The following SNX14 variants were observed in gnomAD, a reference collection of about 807,000 sequenced individuals.
SNX14 encodes sorting nexin 14, also known as sorting nexin-14.
Under a neutral mutation model 133.8 loss-of-function variants are expected in SNX14, and 93 were observed. The ratio of observed to expected loss-of-function variants is 0.70; its 90% CI spans 0.59 to 0.83. The LOEUF (loss-of-function observed/expected upper bound fraction) is 0.83. Ranked by LOEUF, SNX14 falls within the 40% of genes least tolerant of loss-of-function variation. The pLI is 0.00. For missense variants in SNX14, 945 were observed against 1,094.9 expected (o/e 0.86, Z 1.93); for synonymous variants, 368 against 365.6 (o/e 1.01, Z -0.07).
chr6:85,515,638 T>C (rs1774706962), intron 23 of SNX14, among the ~76,000 whole-genome samples: 1 of 152,168 alleles, frequency 6.6e-6, no homozygotes, highest in South Asian at 2.1e-4. Context: ...ATATATTCTA[T>C]TGGCTCTTAT....
At chr6:85,564,763 G>A (rs750640616) in intron 6 of SNX14, among the ~76,000 whole-genome samples, 4 of 152,068 alleles carry the variant, frequency 2.6e-5, no homozygotes, top group African/African-American at 4.8e-5. Context: ...GAAGAGGTGG[G>A]CGGATCACAA....
intron 1 of SNX14, among the ~76,000 whole-genome samples, chr6:85,578,904 G>A (rs1017733635): frequency 1.1e-4 from 16 of 152,282 alleles, no homozygotes; most frequent in African/African-American, 3.4e-4. Flanking sequence ...GGAAGGCTGA[G>A]GCGGGCGGAT....
chr6:85,507,754 T>A, intron 27 of SNX14, among the ~76,000 whole-genome samples: 1 of 152,212 alleles, frequency 6.6e-6, no homozygotes, highest in East Asian at 1.9e-4. Context: ...AATTACTATA[T>A]ATTAATTTTA....
chr6:85,582,151 T>A (rs1285637601), intron 1 of SNX14, among the ~76,000 whole-genome samples: 1 of 152,092 alleles, frequency 6.6e-6, no homozygotes, highest in Non-Finnish European at 1.5e-5. Flanking sequence ...TGGCACCAGA[T>A]TTTTCAGTGG....
intron 1 of SNX14, among the ~76,000 whole-genome samples, chr6:85,580,014 A>G (rs1352627955): frequency 6.6e-6 from 1 of 152,104 alleles, no homozygotes; most frequent in Non-Finnish European, 1.5e-5. Context: ...CAAGGCAGCT[A>G]AGGGAAGGCT....
chr6:85,572,811 T>C (rs1411420504), intron 2 of SNX14, among the ~76,000 whole-genome samples: 1 of 151,950 alleles, frequency 6.6e-6, no homozygotes, highest in East Asian at 1.9e-4. Flanking sequence ...ATTCAAAAAT[T>C]AGACAGGTGT....
At chr6:85,531,850 G>A (rs377132150) in intron 18 of SNX14, among the ~76,000 whole-genome samples, 1 of 152,028 alleles carries the variant, frequency 6.6e-6, no homozygotes, top group African/African-American at 2.4e-5. Context: ...AACATAGTGA[G>A]ACCTTTTCTC....
At chr6:85,536,752 C>A in intron 17 of SNX14, 40 bp downstream of exon 17, 1 of 1,582,908 alleles carries the variant, frequency 6.3e-7, no homozygotes, top group South Asian at 1.2e-5. Context: ...CATAGTAAGT[C>A]TGAAGTTATA....
intron 7 of SNX14, among the ~76,000 whole-genome samples, chr6:85,555,854 G>A (rs947382252): frequency 2.0e-5 from 3 of 152,058 alleles, no homozygotes; most frequent in Non-Finnish European, 4.4e-5. Context: ...CAAGCGTGGT[G>A]GTGCATGCCT....
At chr6:85,574,717 CA>C (rs1796770920) in intron 1 of SNX14, among the ~76,000 whole-genome samples, 1 of 152,014 alleles carries the variant, frequency 6.6e-6, no homozygotes, top group Admixed American at 6.6e-5. Context: ...TTCACTACAT[CA>C]AAAAAATTTT....
At chr6:85,514,824 A>G (rs1418853454) in intron 23 of SNX14, among the ~76,000 whole-genome samples, 195 bp from the exon 24 acceptor site, 2 of 152,194 alleles carry the variant, frequency 1.3e-5, no homozygotes, top group East Asian at 3.8e-4. Context: ...CATGTTCCCC[A>G]AAAATATTAC....
intron 1 of SNX14, among the ~76,000 whole-genome samples, chr6:85,588,202 G>A (rs1801584910): frequency 6.6e-6 from 1 of 152,158 alleles, no homozygotes; most frequent in African/African-American, 2.4e-5. Flanking sequence ...AGGACTGCTT[G>A]AGCCCATGAG....
intron 6 of SNX14, among the ~76,000 whole-genome samples, chr6:85,564,558 T>C (rs1343764695): frequency 3.3e-5 from 5 of 152,210 alleles, no homozygotes; most frequent in African/African-American, 4.8e-5. Context: ...TTTTCATTTC[T>C]AATTTCTACA....
At chr6:85,579,030 C>T (rs1196882593) in intron 1 of SNX14, among the ~76,000 whole-genome samples, 1 of 151,908 alleles carries the variant, frequency 6.6e-6, no homozygotes, top group South Asian at 2.1e-4. Context: ...CCCAGCTACT[C>T]AGGAGGCTGA....
chr6:85,539,508 A>G (rs1019076044), intron 15 of SNX14, among the ~76,000 whole-genome samples: 28 of 152,238 alleles, frequency 1.8e-4, no homozygotes, highest in African/African-American at 6.8e-4. Context: ...AATAATATGC[A>G]TTAGAATTTT....
chr6:85,528,418 TTA>T, intron 19 of SNX14, 56 bp from the exon 20 acceptor site: 4 of 1,362,202 alleles, frequency 2.9e-6, no homozygotes, highest in Non-Finnish European at 4.1e-6. Flanking sequence ...TTTTAAAACC[TTA>T]AATTAGGTTT....
At chr6:85,574,838 G>C (rs1021646580) in intron 1 of SNX14, among the ~76,000 whole-genome samples, 1 of 151,662 alleles carries the variant, frequency 6.6e-6, no homozygotes, top group Non-Finnish European at 1.5e-5. Context: ...GTGGTGATAC[G>C]TAAGTAAAAA....
intron 4 of SNX14, 24 bp downstream of exon 4, chr6:85,572,113 A>G: frequency 6.5e-7 from 1 of 1,548,496 alleles, no homozygotes; most frequent in Non-Finnish European, 8.8e-7. Context: ...ATTTTCTGTT[A>G]ATAATATTAA....
At chr6:85,592,252 C>A (rs1372596457) in intron 1 of SNX14, among the ~76,000 whole-genome samples, 3 of 152,226 alleles carry the variant, frequency 2.0e-5, no homozygotes, top group Non-Finnish European at 4.4e-5. Context: ...CAAGAATCAA[C>A]AAGAAAGCAA....
Sources: gnomAD v4.1 joint callset for allele counts (sites outside exome capture counted in the v4.1 genomes callset) on GRCh38, gnomAD v4.1.1 for gene constraint, MANE v1.5 for transcripts, NCBI Gene and HGNC (gene_info 2026-07-23, HGNC 2026-07-21) for gene names.